The following PDE3B variants were observed in gnomAD, a reference collection of about 807,000 sequenced individuals.
PDE3B encodes the protein phosphodiesterase 3B.
Under a neutral mutation model 116.8 loss-of-function variants are expected in PDE3B, and 66 were observed. That is an observed-to-expected ratio of 0.56 (90% CI 0.46 to 0.69). The LOEUF (loss-of-function observed/expected upper bound fraction) is 0.69. Ranked by LOEUF, PDE3B falls within the 30% of genes least tolerant of loss-of-function variation. PDE3B has a pLI of 0.00. For missense variants in PDE3B, 1,384 were observed against 1,368.1 expected (o/e 1.01, Z -0.18); for synonymous variants, 595 against 533.6 (o/e 1.12, Z -1.59).
rs774906854 is a variant in PDE3B at position 14,777,363 on chromosome 11, T to G, written c.1029+5376T>G. ...AGTAATGGCTGAAAACTTCCCAGATTTAGCCAAAAACTTAATCCTACAGAT... is the reference window on the plus strand; with the variant it reads ...AGTAATGGCTGAAAACTTCCCAGATGTAGCCAAAAACTTAATCCTACAGAT... On this transcript the variant is annotated intron_variant, in intron 2 of 15. Coordinates refer to ENST00000282096, the MANE Select transcript of PDE3B (RefSeq NM_000922.4). Among the ~76,000 whole-genome samples, 5 of 152,192 alleles carry G rather than the reference T, an allele frequency of 3.3e-5. No homozygotes were observed. The East Asian group carries it at 9.6e-4, about 29-fold the overall frequency.
At position 14,664,664 on chromosome 11, in the gene PDE3B, T is replaced by C. The variant is rs1045782236; in HGVS notation, c.978+19611T>C. Among the ~76,000 whole-genome samples, 5 of 152,276 alleles carry C rather than the reference T, an allele frequency of 3.3e-5. 1 individual carries two copies. In the Middle Eastern group the frequency reaches 0.01, roughly 311 times the overall value. On this transcript the variant is annotated intron_variant, in intron 1 of 15. Coordinates refer to ENST00000282096, the MANE Select transcript of PDE3B (RefSeq NM_000922.4). Reference sequence around the variant, plus strand: ...CTCTAAGCAAATAAACTAGAAAATCTAGAAGAAAGGGATAAATTCCTCGAC... The same window carrying C: ...CTCTAAGCAAATAAACTAGAAAATCCAGAAGAAAGGGATAAATTCCTCGAC...
At chr11:14,834,275 C>T (rs1208983674) in intron 10 of PDE3B, among the ~76,000 whole-genome samples, 1 of 152,138 alleles carries the variant, frequency 6.6e-6, no homozygotes, top group Admixed American at 6.5e-5. Context: ...ATTAGATTCA[C>T]ATAGGTTATC....
intron 1 of PDE3B, among the ~76,000 whole-genome samples, chr11:14,667,219 G>T (rs1478342021): frequency 6.6e-6 from 1 of 150,796 alleles, no homozygotes; most frequent in African/African-American, 2.4e-5. Context: ...TCACTCATAG[G>T]TGGGAATTGA....
the PDE3B span, chr11:14,891,633 G>A: frequency 1.0e-5 from 11 of 1,103,846 alleles, no homozygotes; most frequent in Middle Eastern, 4.1e-4. Flanking sequence ...CGCACCTGAG[G>A]GCATGCGTCC....
intron 1 of PDE3B, among the ~76,000 whole-genome samples, chr11:14,666,069 T>C (rs932503581): frequency 2.0e-5 from 3 of 151,864 alleles, no homozygotes; most frequent in Non-Finnish European, 4.4e-5. Context: ...AGCATGGTAC[T>C]GGTACCAAAA....
chr11:14,789,263 T>C, intron 4 of PDE3B, 21 bp downstream of exon 4: 1 of 1,579,474 alleles, frequency 6.3e-7, no homozygotes, highest in Non-Finnish European at 8.6e-7. Flanking sequence ...CAGAGCCTTT[T>C]AAGAAACTTG....
At chr11:14,763,472 G>C (rs1168052624) in intron 1 of PDE3B, among the ~76,000 whole-genome samples, 2 of 152,026 alleles carry the variant, frequency 1.3e-5, no homozygotes, top group Admixed American at 6.6e-5. Flanking sequence ...TAGTGGCCGG[G>C]TGAAAGTATG....
chr11:14,695,523 TA>T (rs1294193750), intron 1 of PDE3B, among the ~76,000 whole-genome samples: 1 of 152,116 alleles, frequency 6.6e-6, no homozygotes, highest in African/African-American at 2.4e-5. Flanking sequence ...ATAATTATTT[TA>T]TTTTTTTTAA....
In PDE3B at chr11:14,655,351, A is replaced by G. The variant is rs142800464; in HGVS notation, c.978+10298A>G. 4.2e-3 allele frequency among the ~76,000 whole-genome samples: 635 copies of G among 152,324 alleles called. 2 individuals carry two copies. Among genetic ancestry groups the G allele is most frequent in the Non-Finnish European group, 6.4e-3 (434 of 68,024 alleles). ...TATATATATACATACACATATATAC[A>G]CACACATATAATTATTTCCAAATTC... On this transcript the variant is annotated intron_variant, in intron 1 of 15. Coordinates refer to ENST00000282096, the MANE Select transcript of PDE3B (RefSeq NM_000922.4).
At chr11:14,880,145 T>C in the PDE3B span, 5 of 1,612,628 alleles carry the variant, frequency 3.1e-6, no homozygotes, top group Non-Finnish European at 4.2e-6. Flanking sequence ...CCTTGAATAT[T>C]AGGATAAAGG....
At chr11:14,766,746 G>A (rs151144159) in intron 1 of PDE3B, among the ~76,000 whole-genome samples, 54 of 151,150 alleles carry the variant, frequency 3.6e-4, no homozygotes, top group African/African-American at 1.2e-3. Flanking sequence ...TTTTCTTGAT[G>A]TGCAGACAAC....
chr11:14,891,027 G>T, the PDE3B span: 12,320 of 985,352 alleles, frequency 0.013, 106 homozygotes, highest in Middle Eastern at 0.014. Flanking sequence ...GGCTGTATCT[G>T]CCTTCTTCAC....
chr11:14,715,276 GT>G (rs1221480729), intron 1 of PDE3B, among the ~76,000 whole-genome samples: 1 of 152,156 alleles, frequency 6.6e-6, no homozygotes, highest in African/African-American at 2.4e-5. Context: ...CTTTAAAGTA[GT>G]TTTTTCCAAT....
intron 1 of PDE3B, among the ~76,000 whole-genome samples, chr11:14,724,084 G>A (rs1484656101): frequency 6.6e-6 from 1 of 152,136 alleles, no homozygotes; most frequent in African/African-American, 2.4e-5. Context: ...GGAAGCTGTT[G>A]AAATAACCAA....
chr11:14,767,206 T>C (rs575025955), intron 1 of PDE3B, among the ~76,000 whole-genome samples: 104 of 151,730 alleles, frequency 6.9e-4, no homozygotes, highest in South Asian at 5.8e-3. Context: ...AAAGAGGTTT[T>C]TATGTTTTGT....
At chr11:14,678,178 A>G (rs1318834963) in intron 1 of PDE3B, among the ~76,000 whole-genome samples, 1 of 151,798 alleles carries the variant, frequency 6.6e-6, no homozygotes, top group Non-Finnish European at 1.5e-5. Context: ...CACTTGTCTT[A>G]GCCTCCCGGA....
intron 4 of PDE3B, among the ~76,000 whole-genome samples, chr11:14,799,398 T>C (rs1185101092): frequency 6.6e-6 from 1 of 152,244 alleles, no homozygotes; most frequent in Non-Finnish European, 1.5e-5. Context: ...CTGAGAAGAA[T>C]GTATATTCTG....
chr11:14,807,903 T>G (rs1011712950), intron 5 of PDE3B, among the ~76,000 whole-genome samples: 4 of 151,294 alleles, frequency 2.6e-5, no homozygotes, highest in African/African-American at 9.7e-5. Context: ...AAATACAAAA[T>G]ACAAAAATTA....
intron 1 of PDE3B, among the ~76,000 whole-genome samples, chr11:14,759,790 G>A (rs1171524032): frequency 6.6e-6 from 1 of 151,906 alleles, no homozygotes; most frequent in Admixed American, 6.6e-5. Context: ...CTTGTGATCT[G>A]CCCGCCTTGG....
Sources: gnomAD v4.1 joint callset for allele counts (sites outside exome capture counted in the v4.1 genomes callset) on GRCh38, gnomAD v4.1.1 for gene constraint, MANE v1.5 for transcripts, NCBI Gene and HGNC (gene_info 2026-07-23, HGNC 2026-07-21) for gene names.